WWTR1: variants seen among roughly 807,000 people sequenced by gnomAD.
WWTR1 encodes WW domain-containing transcription regulator protein 1.
WWTR1 carries 13 observed loss-of-function variants against 40.1 expected under a neutral mutation model. The observed-to-expected ratio is 0.32, with a 90% confidence interval of 0.21 to 0.52. WWTR1 has a LOEUF of 0.52. WWTR1 is among the 20% of genes least tolerant of loss of function. The pLI is 0.97. For missense variants in WWTR1, 436 were observed against 523.1 expected (o/e 0.83, Z 1.63); for synonymous variants, 230 against 210.1 (o/e 1.09, Z -0.82).
intron 4 of WWTR1, among the ~76,000 whole-genome samples, chr3:149,537,549 G>A (rs1256883795): frequency 6.6e-6 from 1 of 152,088 alleles, no homozygotes; most frequent in African/African-American, 2.4e-5. Flanking sequence ...CATACGTTTT[G>A]TCTTTTTGTG....
At chr3:149,625,097 A>AT (rs1553800722) in intron 2 of WWTR1, among the ~76,000 whole-genome samples, 3 of 109,296 alleles carry the variant, frequency 2.7e-5, no homozygotes, top group African/African-American at 1.1e-4. Flanking sequence ...AGACAACTCT[A>AT]CCCTTTTTTT....
Position 149,674,382 on chromosome 3 carries a change from T to C in WWTR1, c.-107-4491A>G, listed in dbSNP as rs996109913. Among the ~76,000 whole-genome samples the C allele has an allele frequency of 5.9e-5, 9 of 151,652 alleles. No individual in the cohort carries two copies. In the South Asian group the frequency reaches 1.9e-3, roughly 32 times the overall value. Reference sequence around the variant, plus strand: ...GGCAGGCGGATCACGAGGTCCGGAGTTCGAGACCAGCCTGGCCAATATGGT... The same window carrying C: ...GGCAGGCGGATCACGAGGTCCGGAGCTCGAGACCAGCCTGGCCAATATGGT... On this transcript the variant is annotated intron_variant, in intron 1 of 7. Coordinates refer to the WWTR1 transcript ENST00000465804.
intron 2 of WWTR1, among the ~76,000 whole-genome samples, chr3:149,665,832 G>A (rs899466172): frequency 9.9e-5 from 15 of 152,108 alleles, no homozygotes; most frequent in Admixed American, 3.3e-4. Context: ...GTATATATGT[G>A]TAACATGATA....
chr3:149,676,322 C>G (rs1457473310), intron 1 of WWTR1, among the ~76,000 whole-genome samples: 1 of 152,072 alleles, frequency 6.6e-6, no homozygotes, highest in Non-Finnish European at 1.5e-5. Context: ...AAGAATCTTT[C>G]CAGATAATTT....
At chr3:149,594,030 G>C (rs1738857667) in intron 2 of WWTR1, among the ~76,000 whole-genome samples, 1 of 152,166 alleles carries the variant, frequency 6.6e-6, no homozygotes, top group Non-Finnish European at 1.5e-5. Context: ...TTGGGTCAGA[G>C]ACCTGCTTAC....
At chr3:149,630,338 T>C (rs548419116) in intron 2 of WWTR1, among the ~76,000 whole-genome samples, 38 of 152,276 alleles carry the variant, frequency 2.5e-4, no homozygotes, top group South Asian at 4.1e-4. Flanking sequence ...CCTCCAGCTC[T>C]AGCAATGAAT....
intron 1 of WWTR1, among the ~76,000 whole-genome samples, chr3:149,680,568 A>C (rs1453042338): frequency 9.6e-5 from 13 of 136,124 alleles, no homozygotes; most frequent in East Asian, 2.2e-4. Context: ...AACCAAACAA[A>C]CAAACAAACA....
intron 2 of WWTR1, among the ~76,000 whole-genome samples, chr3:149,594,965 T>C (rs1309253431): frequency 8.1e-6 from 1 of 123,814 alleles, no homozygotes; most frequent in East Asian, 2.2e-4. Context: ...TTTTTTTTTT[T>C]TTTTTTTTTT....
chr3:149,534,917 T>A (rs116268616), intron 4 of WWTR1, among the ~76,000 whole-genome samples: 4,319 of 152,224 alleles, frequency 0.028, 101 homozygotes, highest in Admixed American at 0.066. Flanking sequence ...GAGCTGAAGG[T>A]GTCCCAGGAA....
At chr3:149,531,198 G>C (rs1382868890) in intron 4 of WWTR1, among the ~76,000 whole-genome samples, 1 of 152,196 alleles carries the variant, frequency 6.6e-6, no homozygotes, top group Non-Finnish European at 1.5e-5. Context: ...GCCTCCCAAA[G>C]TGCTGGGATT....
At chr3:149,723,963 A>G (rs1715816686) in intron 4 of WWTR1, 1 of 152,232 alleles carries the variant, frequency 6.6e-6, no homozygotes, top group Non-Finnish European at 1.5e-5. Context: ...ATGTGGCTGA[A>G]GGGTGGTTAG....
chr3:149,638,491 T>C (rs562118052), intron 2 of WWTR1, among the ~76,000 whole-genome samples: 3 of 152,300 alleles, frequency 2.0e-5, no homozygotes, highest in Non-Finnish European at 2.9e-5. Context: ...ACTAGTATAA[T>C]TCACATAATG....
intron 2 of WWTR1, among the ~76,000 whole-genome samples, chr3:149,574,910 C>T (rs1737811682): frequency 6.6e-6 from 1 of 151,608 alleles, no homozygotes; most frequent in Admixed American, 6.6e-5. Context: ...GCCTGGCCAA[C>T]ATGGTGAAAC....
chr3:149,699,957 C>T lies in WWTR1; in HGVS notation c.-108+3167G>A, dbSNP rs138667383. On this transcript the variant is annotated intron_variant, in intron 1 of 7. Coordinates refer to the WWTR1 transcript ENST00000465804. ...CCAATTTTCTGTATCAGTCCACTTTCGCATTACTATAAAGGTATACCAGAG... is the reference window on the plus strand; with the variant it reads ...CCAATTTTCTGTATCAGTCCACTTTTGCATTACTATAAAGGTATACCAGAG... Among the ~76,000 whole-genome samples, 750 of 152,274 alleles carry T rather than the reference C, an allele frequency of 4.9e-3. 5 individuals are homozygous for T. Among genetic ancestry groups the T allele is most frequent in the African/African-American group, 0.017 (710 of 41,542 alleles).
chr3:149,700,022 C>T (rs1285270554), intron 1 of WWTR1, among the ~76,000 whole-genome samples: 1 of 152,218 alleles, frequency 6.6e-6, no homozygotes, highest in Non-Finnish European at 1.5e-5. Context: ...AACTGGCTCA[C>T]GGTTCTGCTG....
intron 3 of WWTR1, among the ~76,000 whole-genome samples, chr3:149,551,618 C>A (rs1736622288): frequency 6.9e-6 from 1 of 145,690 alleles, no homozygotes; most frequent in Admixed American, 6.8e-5. Context: ...AGAGGGTGAC[C>A]AATTATCCTG....
intron 1 of WWTR1, chr3:149,657,535 G>T (rs911436588): frequency 8.8e-6 from 5 of 571,396 alleles, no homozygotes; most frequent in African/African-American, 1.9e-5. Flanking sequence ...TTGAAGCAAA[G>T]AAGTTGCCTG....
intron 2 of WWTR1, among the ~76,000 whole-genome samples, chr3:149,638,554 C>A (rs889723793): frequency 8.5e-5 from 13 of 152,094 alleles, no homozygotes; most frequent in Non-Finnish European, 1.6e-4. Flanking sequence ...CTCCTTTTCT[C>A]TTGTCTCTGC....
intron 4 of WWTR1, among the ~76,000 whole-genome samples, chr3:149,536,060 T>C (rs1353618484): frequency 6.6e-6 from 1 of 152,036 alleles, no homozygotes; most frequent in African/African-American, 2.4e-5. Flanking sequence ...ATACTATTGT[T>C]CAACAACAAG....
Sources: allele counts gnomAD v4.1 joint callset (sites outside exome capture counted in the v4.1 genomes callset), GRCh38; gene constraint gnomAD v4.1.1; transcripts MANE v1.5; gene names NCBI Gene and HGNC (gene_info 2026-07-23, HGNC 2026-07-21).